The following ZPBP variants were observed in gnomAD, a reference collection of about 807,000 sequenced individuals.
ZPBP encodes the protein zona pellucida binding protein.
Under a neutral mutation model 44.8 loss-of-function variants are expected in ZPBP, and 26 were observed. The observed-to-expected ratio is 0.58, with a 90% CI of 0.43 to 0.81. The LOEUF is 0.81. Ranked by LOEUF, ZPBP falls within the 30% of genes least tolerant of loss-of-function variation. ZPBP has a pLI of 0.00. For missense variants in ZPBP, 409 were observed against 434.0 expected, an observed-to-expected ratio of 0.94 and a Z score of 0.51; for synonymous variants, 174 against 153.2, an observed-to-expected ratio of 1.14 and a Z score of -1.00.
chr7:49,946,733 A>AG (rs1343759559), intron 7 of ZPBP, among the ~76,000 whole-genome samples: 1 of 152,006 alleles, frequency 6.6e-6, no homozygotes, highest in Non-Finnish European at 1.5e-5. Context: ...GAATACTGAT[A>AG]CCTTTTTCTA....
chr7:50,087,477 G>T (rs1802721832), intron 2 of ZPBP, among the ~76,000 whole-genome samples: 1 of 151,804 alleles, frequency 6.6e-6, no homozygotes, highest in South Asian at 2.1e-4. Context: ...CACAATAAAA[G>T]AACTCAACAA....
intron 2 of ZPBP, among the ~76,000 whole-genome samples, chr7:49,859,641 C>A (rs1032713368): frequency 2.6e-5 from 4 of 152,232 alleles, no homozygotes; most frequent in Non-Finnish European, 5.9e-5. Flanking sequence ...CTATTGCATG[C>A]GAATACTGTG....
intron 6 of ZPBP, among the ~76,000 whole-genome samples, chr7:50,012,743 C>G (rs1378215365): frequency 6.7e-6 from 1 of 148,914 alleles, no homozygotes; most frequent in Non-Finnish European, 1.5e-5. Flanking sequence ...GAAAAGGACA[C>G]CCATTCTTGC....
intron 4 of ZPBP, among the ~76,000 whole-genome samples, chr7:50,042,552 C>T (rs762932907): frequency 6.6e-6 from 1 of 152,176 alleles, no homozygotes; most frequent in African/African-American, 2.4e-5. Flanking sequence ...CCCAAAATTT[C>T]ATATCCAGGC....
chr7:50,003,101 G>T (rs1231608027), intron 6 of ZPBP, among the ~76,000 whole-genome samples: 1 of 152,174 alleles, frequency 6.6e-6, no homozygotes, highest in Non-Finnish European at 1.5e-5. Context: ...TACTGAAAAT[G>T]GTATGGGAAA....
rs1233363124 is a variant in ZPBP at position 50,015,193 on chromosome 7, A to T, written c.783+3047T>A. On this transcript the variant is annotated intron_variant, in intron 6 of 7. Transcript: ENST00000046087. ...AAAGAAAGATAAACATATTGCATTA[A>T]AAAAAAAAGTTTCCATGGGACAGGA... is the stretch of plus-strand genomic sequence containing the variant. Among the ~76,000 whole-genome samples the T allele has an allele frequency of 2.0e-5, 3 of 150,742 alleles. No individual in the cohort carries two copies. In the East Asian group the frequency reaches 6.0e-4, roughly 30 times the overall value.
At chr7:50,074,253 T>C (rs1801978623) in intron 3 of ZPBP, among the ~76,000 whole-genome samples, 1 of 151,942 alleles carries the variant, frequency 6.6e-6, no homozygotes, top group Non-Finnish European at 1.5e-5. Context: ...GCAAGCCTCA[T>C]GGTAACCTAA....
chr7:50,054,189 A>G (rs761385136), intron 4 of ZPBP, among the ~76,000 whole-genome samples: 4 of 152,104 alleles, frequency 2.6e-5, no homozygotes, highest in African/African-American at 9.7e-5. Flanking sequence ...ATAGGAAACA[A>G]TCTCTTAGAA....
chr7:49,948,092 C>A (rs1163927319), intron 7 of ZPBP, among the ~76,000 whole-genome samples: 1 of 152,222 alleles, frequency 6.6e-6, no homozygotes, highest in Non-Finnish European at 1.5e-5. Context: ...CCTTTCAAGG[C>A]AGTGGGCTAC....
downstream of ZPBP, among the ~76,000 whole-genome samples, chr7:49,932,589 A>T (rs1362906700): frequency 6.6e-6 from 1 of 152,202 alleles, no homozygotes; most frequent in African/African-American, 2.4e-5. Flanking sequence ...TTACAGGCTC[A>T]TAGGCAGAAG....
chr7:50,000,112 T>C (rs1184223591), intron 6 of ZPBP, among the ~76,000 whole-genome samples: 1 of 152,174 alleles, frequency 6.6e-6, no homozygotes, highest in East Asian at 1.9e-4. Context: ...ATAGATATTA[T>C]AATTTATAAA....
chr7:50,059,761 C>T (rs1301333760), intron 3 of ZPBP, among the ~76,000 whole-genome samples: 5 of 152,064 alleles, frequency 3.3e-5, no homozygotes, highest in African/African-American at 1.2e-4. Context: ...ATGCCTACTA[C>T]AACACAAAAC....
chr7:50,066,004 T>A (rs1206589849), intron 3 of ZPBP, among the ~76,000 whole-genome samples: 1 of 151,148 alleles, frequency 6.6e-6, no homozygotes, highest in Non-Finnish European at 1.5e-5. Context: ...AGTAGAGCAG[T>A]CTTTCCTGAA....
intron 7 of ZPBP, among the ~76,000 whole-genome samples, chr7:49,951,927 T>C (rs561261546): frequency 6.6e-6 from 1 of 151,870 alleles, no homozygotes; most frequent in Admixed American, 6.6e-5. Flanking sequence ...ACATCATAGA[T>C]GAATCTCAAA....
At chr7:50,086,558 A>AT (rs1802661213) in intron 2 of ZPBP, among the ~76,000 whole-genome samples, 1 of 152,128 alleles carries the variant, frequency 6.6e-6, no homozygotes, top group African/African-American at 2.4e-5. Context: ...AAACAGTACA[A>AT]TAACTGAAAT....
At chr7:49,926,744 TG>T (rs1794249435) in intron 1 of ZPBP, among the ~76,000 whole-genome samples, 1 of 152,172 alleles carries the variant, frequency 6.6e-6, no homozygotes, top group Non-Finnish European at 1.5e-5. Context: ...TAGTTTAAAA[TG>T]TCTGTAAGAG....
intron 6 of ZPBP, among the ~76,000 whole-genome samples, chr7:50,006,323 C>T (rs1798310428): frequency 1.3e-5 from 2 of 151,920 alleles, no homozygotes; most frequent in Admixed American, 6.6e-5. Context: ...ATACTTTTTC[C>T]TAAAGTGCAC....
intron 7 of ZPBP, among the ~76,000 whole-genome samples, chr7:49,982,436 A>G (rs1253930118): frequency 1.4e-5 from 2 of 144,886 alleles, no homozygotes; most frequent in African/African-American, 2.5e-5. Flanking sequence ...CATTTGTTTA[A>G]TTTGTATTCT....
At chr7:50,030,938 G>T (rs561178615) in intron 5 of ZPBP, among the ~76,000 whole-genome samples, 154 bp downstream of exon 5, 7 of 152,082 alleles carry the variant, frequency 4.6e-5, no homozygotes, top group African/African-American at 1.7e-4. Flanking sequence ...CTATTTGAGG[G>T]GTTAACAGCA....
Sources: allele counts gnomAD v4.1 joint callset (sites outside exome capture counted in the v4.1 genomes callset), GRCh38; gene constraint gnomAD v4.1.1; transcripts MANE v1.5; gene names NCBI Gene and HGNC (gene_info 2026-07-23, HGNC 2026-07-21).